Variants in GRIA1 observed in about 807,000 individuals in gnomAD.
GRIA1 encodes the protein glutamate receptor 1.
In GRIA1, 31 loss-of-function variants were observed where a neutral mutation model predicts 99.2. That is an observed-to-expected ratio of 0.31 (90% CI 0.23 to 0.42). The LOEUF is 0.42. Ranked by LOEUF, GRIA1 falls within the 10% of genes least tolerant of loss-of-function variation. The pLI is 1.00. For missense variants in GRIA1, 782 were observed against 1,157.5 expected, an observed-to-expected ratio of 0.68 and a Z score of 4.71; for synonymous variants, 438 against 432.4, an observed-to-expected ratio of 1.01 and a Z score of -0.16.
chr5:153,781,485 G>A (rs1027456617), intron 13 of GRIA1, among the ~76,000 whole-genome samples: 2 of 152,042 alleles, frequency 1.3e-5, no homozygotes, highest in Non-Finnish European at 2.9e-5. Context: ...CCAGGTCAAC[G>A]AAGCAAAGGC....
At chr5:153,803,795 C>T (rs1368095417) in intron 15 of GRIA1, among the ~76,000 whole-genome samples, 1 of 152,192 alleles carries the variant, frequency 6.6e-6, no homozygotes, top group Non-Finnish European at 1.5e-5. Context: ...TATGCCCACT[C>T]TTGGATCCAT....
At chr5:153,712,471 T>C (rs903225808) in intron 11 of GRIA1, among the ~76,000 whole-genome samples, 6 of 152,238 alleles carry the variant, frequency 3.9e-5, no homozygotes, top group African/African-American at 9.6e-5. Context: ...GTAACCAGTA[T>C]GCCTTTGGCA....
chr5:153,682,209 T>A (rs1178212637), intron 7 of GRIA1, among the ~76,000 whole-genome samples: 1 of 152,052 alleles, frequency 6.6e-6, no homozygotes, highest in Non-Finnish European at 1.5e-5. Flanking sequence ...AAGGACCTAG[T>A]CTACAGGCCT....
chr5:153,490,997 G>C (rs1753860117), intron 1 of GRIA1, 27 bp downstream of exon 1: 1 of 1,599,738 alleles, frequency 6.3e-7, no homozygotes, highest in Non-Finnish European at 8.6e-7. Flanking sequence ...CCTGGGGAGG[G>C]ACTTTCTGGG....
intron 5 of GRIA1, among the ~76,000 whole-genome samples, chr5:153,658,134 G>T (rs1451516470): frequency 1.3e-5 from 2 of 152,124 alleles, no homozygotes; most frequent in Non-Finnish European, 2.9e-5. Flanking sequence ...GCAGTATTCA[G>T]GCCTTTTCTA....
intron 2 of GRIA1, among the ~76,000 whole-genome samples, chr5:153,616,760 C>T (rs1561694241): frequency 6.6e-6 from 1 of 152,092 alleles, no homozygotes. Flanking sequence ...TCTTGGGCAT[C>T]AGGGAAAAGG....
In GRIA1 at chr5:153,727,414, A is replaced by G. The variant is rs368004108; in HGVS notation, c.1823+21347A>G. Among the ~76,000 whole-genome samples, 8 of 152,204 alleles carry G rather than the reference A, an allele frequency of 5.3e-5. No homozygotes were observed. The East Asian group carries it at 5.8e-4, about 11-fold the overall frequency. ...AATTAGGCAGGAGAAGGAAATAAAG[A>G]GTATTCAATTAGGAAAAGAGGAAGT... On this transcript the variant is annotated intron_variant, in intron 11 of 15. Transcript: ENST00000285900.
intron 2 of GRIA1, among the ~76,000 whole-genome samples, chr5:153,603,073 TC>T (rs997730198): frequency 1.3e-5 from 2 of 151,394 alleles, no homozygotes; most frequent in African/African-American, 4.8e-5. Context: ...CCCTCCCCTG[TC>T]CCCCCACCCC....
chr5:153,801,806 A>G (rs976249416), intron 14 of GRIA1, among the ~76,000 whole-genome samples: 1 of 152,104 alleles, frequency 6.6e-6, no homozygotes, highest in Non-Finnish European at 1.5e-5. Context: ...GGTCTTTATT[A>G]TATATACAAT....
chr5:153,755,216 G>A (rs925766183), intron 11 of GRIA1, among the ~76,000 whole-genome samples: 15 of 152,160 alleles, frequency 9.9e-5, no homozygotes, highest in African/African-American at 3.4e-4. Context: ...AAAAGCTTTG[G>A]TGAGTTTTAA....
intron 2 of GRIA1, among the ~76,000 whole-genome samples, chr5:153,514,825 T>C (rs1756456401): frequency 6.6e-6 from 1 of 152,094 alleles, no homozygotes; most frequent in African/African-American, 2.4e-5. Context: ...AAAGAAAGCA[T>C]ACAATAATGG....
chr5:153,707,408 A>G (rs1400132782), intron 11 of GRIA1, among the ~76,000 whole-genome samples: 1 of 152,226 alleles, frequency 6.6e-6, no homozygotes, highest in Non-Finnish European at 1.5e-5. Context: ...TCTTCTGACT[A>G]CATTCTGGAT....
At chr5:153,685,618 C>T (rs1561766434) in intron 7 of GRIA1, among the ~76,000 whole-genome samples, 1 of 152,158 alleles carries the variant, frequency 6.6e-6, no homozygotes, top group Non-Finnish European at 1.5e-5. Context: ...AAACTGAAGG[C>T]TTAGAGAGCT....
chr5:153,754,548 C>T (rs1433047536), intron 11 of GRIA1, among the ~76,000 whole-genome samples: 1 of 152,078 alleles, frequency 6.6e-6, no homozygotes, highest in Admixed American at 6.5e-5. Context: ...TGTGGGAAGG[C>T]TTTGGGCTTC....
intron 3 of GRIA1, among the ~76,000 whole-genome samples, chr5:153,649,365 A>G (rs754902747): frequency 1.1e-4 from 17 of 152,248 alleles, no homozygotes; most frequent in Non-Finnish European, 2.1e-4. Context: ...AGCAGCATTG[A>G]GTAATGGCCT....
At chr5:153,781,323 T>C (rs1764612169) in intron 13 of GRIA1, among the ~76,000 whole-genome samples, 2 of 151,912 alleles carry the variant, frequency 1.3e-5, no homozygotes, top group Admixed American at 6.6e-5. Flanking sequence ...TATTCTTTAT[T>C]CCCATGGGAA....
At chr5:153,516,233 TAAG>T (rs1161498751) in intron 2 of GRIA1, among the ~76,000 whole-genome samples, 1 of 151,620 alleles carries the variant, frequency 6.6e-6, no homozygotes, top group Non-Finnish European at 1.5e-5. Flanking sequence ...AAAATAAAAA[TAAG>T]AAATCTACCA....
At chr5:153,584,367 C>T (rs1473152129) in intron 2 of GRIA1, among the ~76,000 whole-genome samples, 1 of 152,140 alleles carries the variant, frequency 6.6e-6, no homozygotes, top group Non-Finnish European at 1.5e-5. Context: ...ACAACCCAAG[C>T]CTTGCCCACA....
At chr5:153,674,839 A>G (rs1756452931) in intron 6 of GRIA1, among the ~76,000 whole-genome samples, 178 bp downstream of exon 6, 2 of 152,208 alleles carry the variant, frequency 1.3e-5, no homozygotes, top group South Asian at 4.1e-4. Flanking sequence ...CCAAAATGAC[A>G]TGGTTTTAAG....
Sources: gnomAD v4.1 joint callset for allele counts (sites outside exome capture counted in the v4.1 genomes callset) on GRCh38, gnomAD v4.1.1 for gene constraint, MANE v1.5 for transcripts, NCBI Gene and HGNC (gene_info 2026-07-23, HGNC 2026-07-21) for gene names.